The following EIF4G3 variants were observed in gnomAD, a reference collection of about 807,000 sequenced individuals.
EIF4G3 encodes the protein eukaryotic translation initiation factor 4 gamma 3, also known as eIF-4-gamma 3.
EIF4G3 carries 34 observed loss-of-function variants against 186.4 expected under a neutral mutation model. The observed-to-expected ratio is 0.18, with a 90% confidence interval of 0.14 to 0.24. The LOEUF (loss-of-function observed/expected upper bound fraction) is 0.24. Ranked by LOEUF, EIF4G3 falls within the 10% of genes least tolerant of loss-of-function variation. The probability of loss-of-function intolerance (pLI) is 1.00; values close to 1 mark genes in which losing one functional copy is unlikely to be tolerated. For synonymous variants in EIF4G3, 673 were observed against 679.5 expected, an observed-to-expected ratio of 0.99 and a Z score of 0.15; for missense variants, 1,536 against 1,948.5, an observed-to-expected ratio of 0.79 and a Z score of 3.99.
At chr1:21,168,445 GAC>G (rs1573718855) in intron 2 of EIF4G3, among the ~76,000 whole-genome samples, 1 of 151,772 alleles carries the variant, frequency 6.6e-6, no homozygotes, top group East Asian at 1.9e-4. Flanking sequence ...ATTTTTGGGG[GAC>G]AGTCTTGCCC....
chr1:20,973,180 C>CT, intron 10 of EIF4G3, 81 bp from the exon 11 acceptor site: 1 of 1,025,598 alleles, frequency 9.8e-7, no homozygotes, highest in Non-Finnish European at 1.5e-6. Flanking sequence ...TGTGTCTCTG[C>CT]ACAATCCCCT....
At chr1:20,926,151 T>C (rs912668363) in intron 14 of EIF4G3, among the ~76,000 whole-genome samples, 1 of 152,212 alleles carries the variant, frequency 6.6e-6, no homozygotes, top group African/African-American at 2.4e-5. Flanking sequence ...ACAGGATATG[T>C]AGCTTAATTT....
intron 30 of EIF4G3, among the ~76,000 whole-genome samples, chr1:20,830,417 G>A (rs960329341): frequency 6.6e-6 from 1 of 152,146 alleles, no homozygotes; most frequent in Non-Finnish European, 1.5e-5. Context: ...ATTTGATGCC[G>A]AGGACGGTGT....
intron 14 of EIF4G3, among the ~76,000 whole-genome samples, chr1:20,915,820 T>C (rs1463511133): frequency 6.6e-6 from 1 of 152,226 alleles, no homozygotes; most frequent in Middle Eastern, 3.2e-3. Flanking sequence ...ATGTTTACTT[T>C]TACCACTTCT....
intron 2 of EIF4G3, among the ~76,000 whole-genome samples, chr1:21,157,503 T>A (rs913679198): frequency 1.3e-5 from 2 of 151,824 alleles, no homozygotes; most frequent in Non-Finnish European, 2.9e-5. Flanking sequence ...TACACCTGGC[T>A]AATTTTTTTT....
intron 3 of EIF4G3, among the ~76,000 whole-genome samples, chr1:21,082,248 A>G (rs1349303953): frequency 6.6e-6 from 1 of 151,020 alleles, no homozygotes; most frequent in African/African-American, 2.4e-5. Context: ...GAATTTAACC[A>G]ACTCAATGAA....
chr1:20,810,617 G>A lies in EIF4G3; in HGVS notation c.4744+121C>T, dbSNP rs1428621206. The A allele has an allele frequency of 5.1e-6, 6 of 1,180,186 alleles. No homozygotes were observed. The Admixed American group carries it at 6.2e-5, about 12-fold the overall frequency. The allele number at this position is 1,180,186 out of a possible 1,614,324, so 73.1% of individuals were successfully genotyped here. ...TCAAATTTATTAAAGTTAGTTATAT[G>A]AGTTTGTGTTATTAGTGATTCTTTT... is the stretch of plus-strand genomic sequence containing the variant. On this transcript the variant is annotated intron_variant, in intron 36 of 36. Coordinates refer to ENST00000602326, the MANE Select transcript of EIF4G3 (RefSeq NM_001391906.1). The surrounding 1 kb of genome is among the most constrained non-coding windows in gnomAD (Gnocchi z 4.1).
intron 2 of EIF4G3, among the ~76,000 whole-genome samples, chr1:21,114,657 T>C (rs2096785871): frequency 6.6e-6 from 1 of 152,234 alleles, no homozygotes; most frequent in Admixed American, 6.5e-5. Context: ...TTATGTGTAC[T>C]TCCCATTTTA....
At chr1:20,819,637 C>A (rs2061832930) in intron 33 of EIF4G3, among the ~76,000 whole-genome samples, 1 of 151,886 alleles carries the variant, frequency 6.6e-6, no homozygotes, top group African/African-American at 2.4e-5. Context: ...TAAATGGTGA[C>A]AATACATGGA....
At chr1:21,160,900 G>A (rs1458462923) in intron 2 of EIF4G3, among the ~76,000 whole-genome samples, 1 of 152,208 alleles carries the variant, frequency 6.6e-6, no homozygotes, top group Non-Finnish European at 1.5e-5. Context: ...CATTTAGAAA[G>A]TTTCTTAGGC....
chr1:21,108,920 A>AG (rs2096665962), intron 2 of EIF4G3, among the ~76,000 whole-genome samples: 1 of 140,488 alleles, frequency 7.1e-6, no homozygotes, highest in Non-Finnish European at 1.6e-5. Context: ...AAAAAAAAAA[A>AG]AAAAACTACA....
intron 2 of EIF4G3, among the ~76,000 whole-genome samples, chr1:21,126,862 T>C (rs949219245): frequency 6.6e-6 from 1 of 152,154 alleles, no homozygotes; most frequent in Admixed American, 6.6e-5. Context: ...AGTATTTGCA[T>C]AAAACCTATG....
At chr1:21,003,149 A>G (rs1570746170) in intron 4 of EIF4G3, among the ~76,000 whole-genome samples, 1 of 147,036 alleles carries the variant, frequency 6.8e-6, no homozygotes, top group Admixed American at 6.8e-5. Flanking sequence ...GGCACGCAGC[A>G]CTGTGCCGGA....
intron 3 of EIF4G3, among the ~76,000 whole-genome samples, chr1:21,066,956 G>A (rs1206231251): frequency 6.6e-6 from 1 of 152,062 alleles, no homozygotes; most frequent in Non-Finnish European, 1.5e-5. Flanking sequence ...CACATTTTCA[G>A]TTTTCAAACA....
chr1:20,812,178 C>T (rs1428409774), intron 35 of EIF4G3, among the ~76,000 whole-genome samples: 3 of 152,096 alleles, frequency 2.0e-5, no homozygotes, highest in Non-Finnish European at 1.5e-5. Context: ...ATTCCAGTTA[C>T]TCAAGAGGCT....
In EIF4G3 at chr1:20,864,465, T is replaced by C; in HGVS notation, c.3006+11A>G. The C allele has an allele frequency of 1.2e-6, 2 of 1,609,170 alleles. No individual in the cohort carries two copies. The highest frequency in any genetic ancestry group is 1.7e-6 in the Non-Finnish European group (2 of 1,176,798). On this transcript the variant is annotated intron_variant, in intron 22 of 36. Transcript: ENST00000602326. ...GCCTTTGCGAAGGTTTCTGAGCTTT[T>C]GGATTTTTACCTTTGCTTTTTCAAA...
At chr1:20,857,714 T>C (rs1217419105) in intron 24 of EIF4G3, among the ~76,000 whole-genome samples, 2 of 152,144 alleles carry the variant, frequency 1.3e-5, no homozygotes, top group Non-Finnish European at 2.9e-5. Flanking sequence ...TTATTTTGGA[T>C]CACCCATGAA....
chr1:20,996,499 G>T (rs2082311065), intron 7 of EIF4G3, among the ~76,000 whole-genome samples: 1 of 152,118 alleles, frequency 6.6e-6, no homozygotes. Flanking sequence ...ACATCCTCCA[G>T]ATTGGAAGGA....
intron 4 of EIF4G3, among the ~76,000 whole-genome samples, chr1:21,005,990 C>T (rs1034301727): frequency 1.3e-5 from 2 of 152,138 alleles, no homozygotes; most frequent in South Asian, 4.1e-4. Context: ...ATTGTTCTGT[C>T]ACAATGTATG....
Sources: gnomAD v4.1 joint callset for allele counts (sites outside exome capture counted in the v4.1 genomes callset) on GRCh38, gnomAD v4.1.1 for gene constraint, Gnocchi (gnomAD v3.1) non-coding constraint, MANE v1.5 for transcripts, NCBI Gene and HGNC (gene_info 2026-07-23, HGNC 2026-07-21) for gene names.